Variants in MAST4 observed in about 807,000 individuals in gnomAD.
The protein encoded by MAST4 is microtubule-associated serine/threonine-protein kinase 4.
Under a neutral mutation model 162.7 loss-of-function variants are expected in MAST4, and 89 were observed. That is an observed-to-expected ratio of 0.55 (90% confidence interval 0.46 to 0.65). The LOEUF is 0.65. Ranked by LOEUF, MAST4 falls within the 30% of genes least tolerant of loss-of-function variation. MAST4 has a pLI of 0.00. For missense variants in MAST4, 3,153 were observed against 3,374.0 expected, an observed-to-expected ratio of 0.93 and a Z score of 1.62; for synonymous variants, 1,479 against 1,361.1, an observed-to-expected ratio of 1.09 and a Z score of -1.91.
intron 4 of MAST4, among the ~76,000 whole-genome samples, chr5:67,012,909 T>C (rs1752865843): frequency 6.6e-6 from 1 of 152,188 alleles, no homozygotes; most frequent in Non-Finnish European, 1.5e-5. Flanking sequence ...TGACATATCA[T>C]GGTTTTATTT....
At chr5:66,991,666 G>A (rs1750079094) in intron 4 of MAST4, among the ~76,000 whole-genome samples, 1 of 152,192 alleles carries the variant, frequency 6.6e-6, no homozygotes, top group Non-Finnish European at 1.5e-5. Context: ...GATTTTTGCA[G>A]TAATGTTTCT....
intron 3 of MAST4, among the ~76,000 whole-genome samples, chr5:66,858,262 C>T (rs1423881395): frequency 6.6e-6 from 1 of 152,208 alleles, no homozygotes; most frequent in Non-Finnish European, 1.5e-5. Flanking sequence ...GCCTCAGCCT[C>T]CCAGAGTGCT....
intron 4 of MAST4, among the ~76,000 whole-genome samples, chr5:66,907,584 ATGCGTGTGTG>A (rs1275243674): frequency 2.9e-3 from 136 of 47,534 alleles, no homozygotes; most frequent in South Asian, 0.016. Flanking sequence ...GCATAGGTTG[ATGCGTGTGTG>A]TGTGTGTGTG....
chr5:66,918,879 T>C (rs904308392), intron 4 of MAST4, among the ~76,000 whole-genome samples: 12 of 152,198 alleles, frequency 7.9e-5, no homozygotes, highest in African/African-American at 2.9e-4. Context: ...ATAAAATTGT[T>C]TTAAAAATTG....
chr5:66,904,369 AC>A (rs1017183388), intron 4 of MAST4, among the ~76,000 whole-genome samples: 1 of 152,162 alleles, frequency 6.6e-6, no homozygotes, highest in Non-Finnish European at 1.5e-5. Flanking sequence ...TGGTGTTTAT[AC>A]CCTGGAGAGA....
chr5:66,896,952 T>C (rs530840607), intron 3 of MAST4, among the ~76,000 whole-genome samples: 1 of 152,338 alleles, frequency 6.6e-6, no homozygotes, highest in East Asian at 1.9e-4. Context: ...TTATCTTTAA[T>C]GCAAATATTT....
At chr5:67,061,393 T>C (rs1290903548) in intron 5 of MAST4, among the ~76,000 whole-genome samples, 2 of 152,232 alleles carry the variant, frequency 1.3e-5, no homozygotes. Flanking sequence ...TTATCCTTGG[T>C]CCCTCTCTTT....
rs36104981 is a variant in MAST4, at chr5:66,836,171, GAA to G, written c.642+47388_642+47389del. On this transcript the variant is annotated intron_variant, in intron 3 of 28. Transcript: ENST00000403625. ...TGGTGACAAAGTGAGACCCTGTCTG[GAA>G]AAAAAAAAAATCATGCTTTTGACAA... Among the ~76,000 whole-genome samples the G allele has an allele frequency of 3.1e-3, 461 of 148,072 alleles. 2 individuals are homozygous for G. The highest frequency in any genetic ancestry group is 6.1e-3 in the African/African-American group (246 of 40,492).
rs1554087418 is a variant in MAST4, at chr5:67,049,040, TAC to T, written c.675-5363_675-5362del. ...ATATATACGTATATATATATATATA[TAC>T]GTGTATATATATATATACGTATATA... On this transcript the variant is annotated intron_variant, in intron 4 of 28. Transcript: ENST00000403625. Among the ~76,000 whole-genome samples, 29 of 96,740 alleles carry T rather than the reference TAC, an allele frequency of 3.0e-4. 2 individuals carry two copies. The highest frequency in any genetic ancestry group is 4.7e-4 in the Non-Finnish European group (24 of 50,582). The allele number at this position is 96,740 out of a possible 152,430, so 63.5% of individuals were successfully genotyped here. A position where few individuals can be genotyped will look rare whatever the true frequency, so the allele number is the denominator to read the frequency against.
chr5:67,064,646 G>C (rs907374867), intron 5 of MAST4, among the ~76,000 whole-genome samples: 1 of 152,192 alleles, frequency 6.6e-6, no homozygotes, highest in Non-Finnish European at 1.5e-5. Context: ...AATGGAGGCT[G>C]TTGCCTTTCA....
At chr5:66,946,086 T>C (rs1161992526) in intron 4 of MAST4, among the ~76,000 whole-genome samples, 12 of 152,088 alleles carry the variant, frequency 7.9e-5, no homozygotes, top group Non-Finnish European at 1.5e-5. Flanking sequence ...GGGAGAAACA[T>C]GAACAATTCC....
intron 4 of MAST4, among the ~76,000 whole-genome samples, chr5:67,050,396 T>G (rs1313372328): frequency 6.6e-6 from 1 of 152,118 alleles, no homozygotes; most frequent in Admixed American, 6.5e-5. Context: ...GCTGTGACAT[T>G]CTTACACGCA....
intron 1 of MAST4, among the ~76,000 whole-genome samples, chr5:66,731,110 A>T (rs1344692862): frequency 1.3e-5 from 2 of 152,196 alleles, no homozygotes; most frequent in Non-Finnish European, 2.9e-5. Flanking sequence ...TGTTTATGAA[A>T]AAACTTAGAT....
intron 2 of MAST4, among the ~76,000 whole-genome samples, chr5:66,767,170 CGTGTGT>C (rs60766673): frequency 0.029 from 3,977 of 139,466 alleles, 68 homozygotes; most frequent in East Asian, 0.036. Flanking sequence ...GTAAAGTGCA[CGTGTGT>C]GTGTGTGTGT....
chr5:66,752,851 A>C (rs1339076510), intron 1 of MAST4, among the ~76,000 whole-genome samples: 1 of 152,130 alleles, frequency 6.6e-6, no homozygotes, highest in Non-Finnish European at 1.5e-5. Flanking sequence ...CATTTTTTTC[A>C]GCACCACACC....
intron 4 of MAST4, among the ~76,000 whole-genome samples, chr5:66,905,360 A>G (rs1453553605): frequency 6.6e-6 from 1 of 151,720 alleles, no homozygotes; most frequent in African/African-American, 2.4e-5. Flanking sequence ...CCCAAGGCAG[A>G]AGCAGCTCCC....
chr5:66,616,990 T>C (rs1305820835), intron 1 of MAST4, among the ~76,000 whole-genome samples: 1 of 152,176 alleles, frequency 6.6e-6, no homozygotes, highest in Non-Finnish European at 1.5e-5. Flanking sequence ...ACTAAAGTGG[T>C]TGAGCCTTGA....
At chr5:66,597,100 C>G in intron 1 of MAST4, 82 bp downstream of exon 1, 2 of 1,299,370 alleles carry the variant, frequency 1.5e-6, no homozygotes, top group South Asian at 2.3e-5. Context: ...AGGCAGTGGG[C>G]AGGAGAGCGC....
At chr5:66,689,502 C>T (rs1748901190) in intron 1 of MAST4, among the ~76,000 whole-genome samples, 2 of 152,136 alleles carry the variant, frequency 1.3e-5, no homozygotes, top group Admixed American at 1.3e-4. Context: ...AGGTGTTTCT[C>T]TTTCTCTTAC....
Sources: gnomAD v4.1 joint callset for allele counts (sites outside exome capture counted in the v4.1 genomes callset) on GRCh38, gnomAD v4.1.1 for gene constraint, MANE v1.5 for transcripts, NCBI Gene and HGNC (gene_info 2026-07-23, HGNC 2026-07-21) for gene names.